GRIN3A: variants seen among roughly 807,000 people sequenced by gnomAD.
GRIN3A encodes glutamate ionotropic receptor NMDA type subunit 3A.
GRIN3A carries 47 observed loss-of-function variants against 92.4 expected under a neutral mutation model. That is an observed-to-expected ratio of 0.51 (90% CI 0.40 to 0.65). The LOEUF is 0.65. GRIN3A is among the 30% of genes least tolerant of loss of function. The probability of loss-of-function intolerance (pLI) is 0.00; values close to 1 mark genes in which losing one functional copy is unlikely to be tolerated. For synonymous variants in GRIN3A, 527 were observed against 540.6 expected (o/e 0.97, Z 0.35); for missense variants, 1,324 against 1,393.1 (o/e 0.95, Z 0.79).
intron 3 of GRIN3A, among the ~76,000 whole-genome samples, chr9:101,648,316 TA>T (rs1828965854): frequency 6.6e-6 from 1 of 152,068 alleles, no homozygotes; most frequent in South Asian, 2.1e-4. Context: ...TTCATCATGG[TA>T]AGAAAAGATA....
intron 3 of GRIN3A, among the ~76,000 whole-genome samples, chr9:101,652,109 TTGTC>T (rs756961967): frequency 2.0e-4 from 30 of 152,168 alleles, no homozygotes; most frequent in East Asian, 3.9e-4. Flanking sequence ...TATTTCATAA[TTGTC>T]TGGGGACGGT....
At chr9:101,606,144 G>T (rs1418246818) in intron 6 of GRIN3A, among the ~76,000 whole-genome samples, 1 of 152,204 alleles carries the variant, frequency 6.6e-6, no homozygotes, top group African/African-American at 2.4e-5. Context: ...TGGAAGTGCA[G>T]AGGCTGCACA....
chr9:101,672,154 G>A (rs1223841679), intron 2 of GRIN3A, among the ~76,000 whole-genome samples: 1 of 152,134 alleles, frequency 6.6e-6, no homozygotes, highest in East Asian at 1.9e-4. Context: ...CTAGCCACCT[G>A]CTAACATGGC....
intron 5 of GRIN3A, among the ~76,000 whole-genome samples, chr9:101,622,076 A>C (rs1315359674): frequency 6.6e-6 from 1 of 152,180 alleles, no homozygotes; most frequent in East Asian, 1.9e-4. Context: ...TCCCTGCTTC[A>C]GGTGGGGGTG....
chr9:101,684,171 C>T (rs1829500718), intron 2 of GRIN3A, among the ~76,000 whole-genome samples: 1 of 149,676 alleles, frequency 6.7e-6, no homozygotes, highest in East Asian at 2.0e-4. Context: ...GGCACGATCT[C>T]GGCTCACTGC....
intron 3 of GRIN3A, among the ~76,000 whole-genome samples, chr9:101,632,788 A>T (rs932819864): frequency 2.0e-5 from 3 of 152,200 alleles, no homozygotes; most frequent in Non-Finnish European, 2.9e-5. Flanking sequence ...TAATTCAGAC[A>T]GCCAGGGATG....
At chr9:101,577,617 C>A in intron 8 of GRIN3A, 151 bp downstream of exon 8, 1 of 682,956 alleles carries the variant, frequency 1.5e-6, no homozygotes, top group Non-Finnish European at 2.6e-6. Context: ...ATTTTAGTGT[C>A]CATATACATT....
At chr9:101,669,112 C>T (rs1829280296) in intron 3 of GRIN3A, among the ~76,000 whole-genome samples, 1 of 152,078 alleles carries the variant, frequency 6.6e-6, no homozygotes, top group Non-Finnish European at 1.5e-5. Context: ...ATGTATCCTA[C>T]ATGTTGGAAT....
At chr9:101,686,084 T>C (rs993582177) in intron 2 of GRIN3A, among the ~76,000 whole-genome samples, 19 of 152,124 alleles carry the variant, frequency 1.2e-4, no homozygotes, top group Non-Finnish European at 4.4e-5. Flanking sequence ...GGGAGAAAAG[T>C]CCATTTCTTG....
In GRIN3A at chr9:101,644,472, A is replaced by AAAAAC. The variant is rs796267143; in HGVS notation, c.2353-16072_2353-16071insGTTTT. Among the ~76,000 whole-genome samples the AAAAAC allele has an allele frequency of 3.3e-3, 506 of 151,716 alleles. 5 individuals carry two copies. Among genetic ancestry groups the AAAAAC allele is most frequent in the African/African-American group, 9.8e-3 (405 of 41,418 alleles). ...TACATTAGTCACTCAAAAAAAAAAA[A>AAAAAC]AAAAAACACAGTGTGAATACATAGA... On this transcript the variant is annotated intron_variant, in intron 3 of 8. Coordinates refer to ENST00000361820, the MANE Select transcript of GRIN3A (RefSeq NM_133445.3).
rs1457486626 is a variant in GRIN3A, at chr9:101,737,991, G to T, written c.-12C>A. ...CTCAGTCTCCTCATTACTGAGACCC[G>T]CAGGGAGAAAGCGCGCCCCCTCCTG... On this transcript the variant is annotated 5_prime_UTR_variant, in exon 1 of 9. Coordinates refer to ENST00000361820, the MANE Select transcript of GRIN3A (RefSeq NM_133445.3). 3.3e-6 allele frequency: 5 copies of T among 1,531,430 alleles called. No individual in the cohort carries two copies. Among genetic ancestry groups the T allele is most frequent in the Non-Finnish European group, 4.4e-6 (5 of 1,144,528 alleles). The allele number at this position is 1,531,430 out of a possible 1,614,324, so 94.9% of individuals were successfully genotyped here.
chr9:101,644,641 C>T (rs796590316), intron 3 of GRIN3A, among the ~76,000 whole-genome samples: 14 of 151,940 alleles, frequency 9.2e-5, no homozygotes, highest in African/African-American at 3.4e-4. Context: ...TTTATTTAAT[C>T]CGACAAGTAA....
intron 4 of GRIN3A, among the ~76,000 whole-genome samples, chr9:101,626,298 CTG>C (rs762703334): frequency 1.3e-5 from 2 of 152,066 alleles, no homozygotes; most frequent in Non-Finnish European, 2.9e-5. Flanking sequence ...TTTTGGAAAA[CTG>C]TTAATGAGAA....
At chr9:101,707,809 T>A (rs1829830713) in intron 1 of GRIN3A, among the ~76,000 whole-genome samples, 1 of 152,176 alleles carries the variant, frequency 6.6e-6, no homozygotes, top group Non-Finnish European at 1.5e-5. Flanking sequence ...TTTGGAATAC[T>A]CCCTTTCAGA....
chr9:101,703,730 T>C (rs1185335479), intron 1 of GRIN3A, among the ~76,000 whole-genome samples: 3 of 152,230 alleles, frequency 2.0e-5, no homozygotes, highest in South Asian at 2.1e-4. Flanking sequence ...TTTTGATTGA[T>C]AACGCATTTC....
chr9:101,646,224 A>G lies in GRIN3A; in HGVS notation c.2353-17823T>C, dbSNP rs550945353. 3.9e-5 allele frequency among the ~76,000 whole-genome samples: 6 copies of G among 151,954 alleles called. No individual in the cohort carries two copies. In the South Asian group the frequency reaches 1.2e-3, roughly 31 times the overall value. ...TTTCAGGTCTTATATGTAAGTCTTT[A>G]AACCATTTTGATTTGACTTTTGTAT... On this transcript the variant is annotated intron_variant, in intron 3 of 8. Transcript: ENST00000361820.
intron 3 of GRIN3A, among the ~76,000 whole-genome samples, chr9:101,668,268 G>A (rs545002251): frequency 2.0e-5 from 3 of 151,820 alleles, no homozygotes; most frequent in Non-Finnish European, 4.4e-5. Context: ...CTTAATTTTG[G>A]CAATCACTCG....
At chr9:101,705,721 C>A (rs1455443070) in intron 1 of GRIN3A, among the ~76,000 whole-genome samples, 1 of 152,160 alleles carries the variant, frequency 6.6e-6, no homozygotes, top group African/African-American at 2.4e-5. Context: ...AATTAGCTAA[C>A]ATTTCTCTCT....
chr9:101,594,693 G>A, intron 6 of GRIN3A: 1 of 1,614,180 alleles, frequency 6.2e-7, no homozygotes, highest in Non-Finnish European at 8.5e-7. Flanking sequence ...GAGGTCCCCA[G>A]GATGAATTCC....
Sources: allele counts gnomAD v4.1 joint callset (sites outside exome capture counted in the v4.1 genomes callset), GRCh38; gene constraint gnomAD v4.1.1; transcripts MANE v1.5; gene names NCBI Gene and HGNC (gene_info 2026-07-23, HGNC 2026-07-21).